MACROD2: variants seen among roughly 807,000 people sequenced by gnomAD.
The protein encoded by MACROD2 is ADP-ribose glycohydrolase MACROD2.
MACROD2 carries 36 observed loss-of-function variants against 70.4 expected under a neutral mutation model. The observed-to-expected ratio is 0.51, with a 90% CI of 0.39 to 0.68. The LOEUF (loss-of-function observed/expected upper bound fraction) is 0.68, where lower values mean the gene tolerates loss of function less well. MACROD2 is among the 30% of genes least tolerant of loss of function. The probability of loss-of-function intolerance (pLI) is 0.00; values close to 1 mark genes in which losing one functional copy is unlikely to be tolerated. For synonymous variants in MACROD2, 172 were observed against 178.8 expected, an observed-to-expected ratio of 0.96 and a Z score of 0.30; for missense variants, 496 against 538.4, an observed-to-expected ratio of 0.92 and a Z score of 0.78.
chr20:15,299,524 G>T (rs1430117243), intron 6 of MACROD2, among the ~76,000 whole-genome samples: 1 of 152,196 alleles, frequency 6.6e-6, no homozygotes, highest in African/African-American at 2.4e-5. Context: ...GTATTTTCAT[G>T]TATTTTGGCC....
chr20:14,273,260 C>T (rs2082214784), intron 3 of MACROD2, among the ~76,000 whole-genome samples: 1 of 152,138 alleles, frequency 6.6e-6, no homozygotes, highest in Non-Finnish European at 1.5e-5. Context: ...CTCTCCTCAG[C>T]AAATTTAAAA....
chr20:15,708,067 T>C (rs1288022086), intron 8 of MACROD2, among the ~76,000 whole-genome samples: 1 of 151,656 alleles, frequency 6.6e-6, no homozygotes, highest in Non-Finnish European at 1.5e-5. Flanking sequence ...TGAGGAGCTC[T>C]GCACTTCTGC....
chr20:14,247,106 CT>C (rs1403120083), intron 3 of MACROD2, among the ~76,000 whole-genome samples: 1 of 152,128 alleles, frequency 6.6e-6, no homozygotes, highest in African/African-American at 2.4e-5. Flanking sequence ...AAATCACTAA[CT>C]TTGGCCTCCA....
At chr20:15,017,948 C>A (rs1197109634) in intron 5 of MACROD2, among the ~76,000 whole-genome samples, 1 of 152,204 alleles carries the variant, frequency 6.6e-6, no homozygotes, top group African/African-American at 2.4e-5. Context: ...ATGGGAGGGG[C>A]TGCTGGGAAG....
At chr20:15,718,404 G>T (rs1215449358) in intron 8 of MACROD2, among the ~76,000 whole-genome samples, 1 of 152,166 alleles carries the variant, frequency 6.6e-6, no homozygotes, top group Non-Finnish European at 1.5e-5. Flanking sequence ...TATTAATTAT[G>T]ATTATGAGTT....
intron 5 of MACROD2, among the ~76,000 whole-genome samples, chr20:14,748,268 T>C (rs1348306763): frequency 6.6e-6 from 1 of 152,140 alleles, no homozygotes; most frequent in South Asian, 2.1e-4. Context: ...ACTCAAAGCA[T>C]ATTTTGCTGC....
At chr20:14,875,158 G>T (rs367798757) in intron 5 of MACROD2, among the ~76,000 whole-genome samples, 1 of 151,878 alleles carries the variant, frequency 6.6e-6, no homozygotes, top group Non-Finnish European at 1.5e-5. Flanking sequence ...TGAGGTGGGC[G>T]GATCACGAGG....
intron 10 of MACROD2, among the ~76,000 whole-genome samples, chr20:15,889,139 G>A (rs1267195123): frequency 2.0e-5 from 3 of 152,172 alleles, no homozygotes; most frequent in African/African-American, 7.2e-5. Flanking sequence ...GAGCCCCAGT[G>A]TGAAGAGTTT....
chr20:14,417,800 C>A (rs909739605), intron 3 of MACROD2, among the ~76,000 whole-genome samples: 2 of 152,136 alleles, frequency 1.3e-5, no homozygotes, highest in Middle Eastern at 3.2e-3. Flanking sequence ...CAAGACTTGT[C>A]CATCATAGTC....
intron 5 of MACROD2, among the ~76,000 whole-genome samples, chr20:15,040,541 T>A (rs1165510270): frequency 7.4e-6 from 1 of 135,610 alleles, no homozygotes; most frequent in Non-Finnish European, 1.5e-5. Context: ...AGGTGACCAA[T>A]TAGGACAAAG....
At chr20:14,445,639 A>G (rs2122969639) in intron 3 of MACROD2, among the ~76,000 whole-genome samples, 2 of 152,070 alleles carry the variant, frequency 1.3e-5, no homozygotes, top group Middle Eastern at 6.8e-3. Flanking sequence ...AGTTTAATCC[A>G]TGGCTTGGGA....
At chr20:14,584,112 A>G (rs917128124) in intron 4 of MACROD2, among the ~76,000 whole-genome samples, 2 of 152,172 alleles carry the variant, frequency 1.3e-5, no homozygotes, top group African/African-American at 4.8e-5. Flanking sequence ...CCAATGAATT[A>G]TATTCTACTT....
intron 3 of MACROD2, among the ~76,000 whole-genome samples, chr20:14,217,347 G>T (rs1447858678): frequency 6.6e-6 from 1 of 152,056 alleles, no homozygotes; most frequent in Non-Finnish European, 1.5e-5. Flanking sequence ...CTGCATCCCT[G>T]GTATGAAACC....
intron 6 of MACROD2, among the ~76,000 whole-genome samples, chr20:15,290,553 C>T (rs1022434392): frequency 6.6e-6 from 1 of 152,136 alleles, no homozygotes; most frequent in Non-Finnish European, 1.5e-5. Flanking sequence ...GATTATGGAT[C>T]CATAATTTGC....
chr20:15,538,632 T>C (rs2047910076), intron 8 of MACROD2, among the ~76,000 whole-genome samples: 2 of 152,190 alleles, frequency 1.3e-5, no homozygotes, highest in African/African-American at 4.8e-5. Flanking sequence ...AAGTAGAGAC[T>C]GAGAAGAGAG....
chr20:15,451,246 A>C (rs1301608453), intron 7 of MACROD2, among the ~76,000 whole-genome samples: 1 of 151,848 alleles, frequency 6.6e-6, no homozygotes, highest in Non-Finnish European at 1.5e-5. Flanking sequence ...TTCAGTGTGA[A>C]GGATGGAAGG....
Position 14,709,507 on chromosome 20 carries a change from T to C in MACROD2, c.418+24548T>C, listed in dbSNP as rs115704547. 4.6e-3 allele frequency among the ~76,000 whole-genome samples: 697 copies of C among 152,272 alleles called. 1 individual carries two copies. The highest frequency in any genetic ancestry group is 0.016 in the African/African-American group (672 of 41,558). The stretch of plus-strand genomic sequence containing the variant: ...CCAGTATATATCCTGATCCAACATA[T>C]ATGTATTTAGATTCAAATTTAATAG... On this transcript the variant is annotated intron_variant, in intron 5 of 17. Transcript: ENST00000684519.
At chr20:14,433,046 G>A (rs927061536) in intron 3 of MACROD2, among the ~76,000 whole-genome samples, 2 of 152,192 alleles carry the variant, frequency 1.3e-5, no homozygotes, top group African/African-American at 4.8e-5. Flanking sequence ...CTCTTTACAC[G>A]TGTTGAGGTT....
intron 4 of MACROD2, among the ~76,000 whole-genome samples, chr20:14,514,674 C>G (rs1399135759): frequency 6.6e-6 from 1 of 152,058 alleles, no homozygotes; most frequent in Admixed American, 6.6e-5. Context: ...CCCACTAATC[C>G]TGTTGAACCC....
Sources: allele counts gnomAD v4.1 joint callset (sites outside exome capture counted in the v4.1 genomes callset), GRCh38; gene constraint gnomAD v4.1.1; transcripts MANE v1.5; gene names NCBI Gene and HGNC (gene_info 2026-07-23, HGNC 2026-07-21).